Variants in XXYLT1 observed in about 807,000 individuals in gnomAD.
XXYLT1 encodes xyloside xylosyltransferase 1.
A neutral mutation model predicts 28.9 loss-of-function variants in XXYLT1; 20 were observed. The observed-to-expected ratio is 0.69, with a 90% CI of 0.49 to 1.00. The LOEUF (loss-of-function observed/expected upper bound fraction) is 1.00, where lower values mean the gene tolerates loss of function less well. Ranked by LOEUF, XXYLT1 falls within the 50% of genes least tolerant of loss-of-function variation. The probability of loss-of-function intolerance (pLI) is 0.00; values close to 1 mark genes in which losing one functional copy is unlikely to be tolerated. For missense variants in XXYLT1, 542 were observed against 560.1 expected, an observed-to-expected ratio of 0.97 and a Z score of 0.33; for synonymous variants, 257 against 253.8, an observed-to-expected ratio of 1.01 and a Z score of -0.12.
rs376617200 is a variant in XXYLT1, at chr3:195,156,471, G to C, written c.763C>G (p.Arg255Gly). The C allele has an allele frequency of 6.2e-7, 1 of 1,614,128 alleles. No homozygotes were observed. Among genetic ancestry groups the C allele is most frequent in the Non-Finnish European group, 8.5e-7 (1 of 1,180,030 alleles). Residue 255 changes from arginine to glycine, a missense_variant, in exon 3 of 4, where the codon CGG becomes GGG. Physicochemically the swap from Arg to Gly is moderately radical, Grantham distance 125. Coordinates refer to ENST00000310380, the MANE Select transcript of XXYLT1 (RefSeq NM_152531.5). ...CACCTGTAAACTGGCTGCATCTCCC[G>C]GGCTATGCCGATGATGGCGCCTGGC... ...FLPGAIIGIA[R>G]EMQPVYRHTF...
rs958665145 is a variant in XXYLT1, at chr3:195,173,362, CATT to C, written c.653-16784_653-16782del. On this transcript the variant is annotated intron_variant, in intron 2 of 3. Transcript: ENST00000310380. This position sits in a 1 kb window ranked among gnomAD's most constrained non-coding sequence, Gnocchi z 4.3. ...TCTCCTCCCCCAGCATCTGCCTGGC[CATT>C]ATGGCCTGGTTCTGCTCCTGGCCTC... Among the ~76,000 whole-genome samples, 2 of 152,190 alleles carry C rather than the reference CATT, an allele frequency of 1.3e-5. No homozygotes were observed. Among genetic ancestry groups the C allele is most frequent in the Non-Finnish European group, 2.9e-5 (2 of 68,042 alleles).
chr3:195,202,151 T>C (rs1722884842), intron 2 of XXYLT1, among the ~76,000 whole-genome samples: 1 of 152,084 alleles, frequency 6.6e-6, no homozygotes. Context: ...CACTCCTGCC[T>C]GGGCAACAGA....
rs1020378407 is a variant in XXYLT1, at chr3:195,069,020, A to G, written c.*695T>C. 7.2e-5 allele frequency: 11 copies of G among 152,214 alleles called. No homozygotes were observed. The highest frequency in any genetic ancestry group is 1.2e-4 in the Non-Finnish European group (8 of 68,060). The allele number at this position is 152,214 out of a possible 1,614,324, so 9.4% of individuals were successfully genotyped here. A position where few individuals can be genotyped will look rare whatever the true frequency, so the allele number is the denominator to read the frequency against. ...TGGAGCTGGTTTGGTGGAATAAAGGACAATGGGGTTCTAGGATGTAGCTGG... is the reference window on the plus strand; with the variant it reads ...TGGAGCTGGTTTGGTGGAATAAAGGGCAATGGGGTTCTAGGATGTAGCTGG... On this transcript the variant is annotated 3_prime_UTR_variant, in exon 4 of 4. Transcript: ENST00000310380.
Position 195,123,569 on chromosome 3 carries a change from G to A in XXYLT1, c.785+32880C>T, listed in dbSNP as rs111290355. ...GCAAGGCCTGCGTCTGAAGGAGCTC[G>A]TCAGCTGAATTATTAATGGGACTCT... On this transcript the variant is annotated intron_variant, in intron 3 of 3. Transcript: ENST00000310380. 5.7e-3 allele frequency among the ~76,000 whole-genome samples: 869 copies of A among 152,320 alleles called. 6 individuals carry two copies. Among genetic ancestry groups the A allele is most frequent in the African/African-American group, 0.019 (800 of 41,552 alleles).
intron 2 of XXYLT1, among the ~76,000 whole-genome samples, chr3:195,202,151 TG>T (rs1219959730): frequency 8.9e-4 from 136 of 152,202 alleles, no homozygotes; most frequent in Admixed American, 8.8e-3. Context: ...CACTCCTGCC[TG>T]GGCAACAGAG....
intron 1 of XXYLT1, chr3:195,260,131 G>C (rs1725630957): frequency 6.6e-6 from 1 of 151,808 alleles, no homozygotes; most frequent in African/African-American, 2.4e-5. Flanking sequence ...CACCCCGCGG[G>C]AGCCTCAGGC....
intron 3 of XXYLT1, among the ~76,000 whole-genome samples, chr3:195,075,974 C>A (rs1393719133): frequency 6.6e-6 from 1 of 152,118 alleles, no homozygotes; most frequent in Non-Finnish European, 1.5e-5. Flanking sequence ...CCACAGAGAC[C>A]CTGTGGGGAG....
intron 1 of XXYLT1, among the ~76,000 whole-genome samples, chr3:195,261,138 A>C (rs1468182519): frequency 6.6e-6 from 1 of 152,230 alleles, no homozygotes; most frequent in Non-Finnish European, 1.5e-5. Context: ...TATACATTCT[A>C]AAGGCCTGAA....
intron 3 of XXYLT1, chr3:195,086,091 G>A (rs1244419408): frequency 2.6e-5 from 4 of 152,496 alleles, no homozygotes; most frequent in Admixed American, 6.5e-5. Flanking sequence ...AAACAGACCT[G>A]GTTTCCAGCA....
At chr3:195,196,627 C>T (rs1470850313) in intron 2 of XXYLT1, among the ~76,000 whole-genome samples, 1 of 152,184 alleles carries the variant, frequency 6.6e-6, no homozygotes, top group East Asian at 1.9e-4. Context: ...AGAAAGGAGG[C>T]CTCTGCCTTC....
Position 195,143,859 on chromosome 3 carries a change from TATATAG to T in XXYLT1, c.785+12584_785+12589del, listed in dbSNP as rs1308747446. 3.8e-4 allele frequency among the ~76,000 whole-genome samples: 38 copies of T among 100,670 alleles called. 4 individuals carry two copies. The highest frequency in any genetic ancestry group is 1.1e-3 in the South Asian group (3 of 2,620). The allele number at this position is 100,670 out of a possible 152,430, so 66.0% of individuals were successfully genotyped here. On this transcript the variant is annotated intron_variant, in intron 3 of 3. Transcript: ENST00000310380. ...ATAGATATAGATATATATATAGATA[TATATAG>T]ATATAGATATATATATATATATATT...
chr3:195,190,951 A>C (rs1560143994), intron 2 of XXYLT1, among the ~76,000 whole-genome samples: 1 of 152,202 alleles, frequency 6.6e-6, no homozygotes, highest in Non-Finnish European at 1.5e-5. Context: ...TACTTATTTA[A>C]CACAAAAGAA....
intron 3 of XXYLT1, among the ~76,000 whole-genome samples, chr3:195,100,301 C>T (rs1716704915): frequency 1.3e-5 from 2 of 152,130 alleles, no homozygotes; most frequent in African/African-American, 2.4e-5. Context: ...GCATGGGGTC[C>T]TATCTGGGAA....
chr3:195,232,072 G>T (rs1724323560), intron 1 of XXYLT1, among the ~76,000 whole-genome samples: 1 of 152,038 alleles, frequency 6.6e-6, no homozygotes, highest in Non-Finnish European at 1.5e-5. Context: ...CTTGTTATTG[G>T]TCTGTTCAGA....
chr3:195,121,350 G>A (rs1265877892), intron 3 of XXYLT1, among the ~76,000 whole-genome samples: 1 of 152,206 alleles, frequency 6.6e-6, no homozygotes, highest in Non-Finnish European at 1.5e-5. Context: ...TGTACAGAAA[G>A]CCTTGGGTTG....
At chr3:195,267,966 A>G (rs1490978011) in intron 1 of XXYLT1, among the ~76,000 whole-genome samples, 1 of 152,232 alleles carries the variant, frequency 6.6e-6, no homozygotes, top group Non-Finnish European at 1.5e-5. Flanking sequence ...CATCACAAAC[A>G]GAAAAATTTA....
intron 1 of XXYLT1, among the ~76,000 whole-genome samples, chr3:195,241,054 CCTCTCCCA>C (rs1368899197): frequency 3.9e-5 from 6 of 152,192 alleles, no homozygotes; most frequent in South Asian, 2.1e-4. Context: ...TTGGAAATGG[CCTCTCCCA>C]CTCTCCCACT....
At chr3:195,151,555 T>G (rs1019045631) in intron 3 of XXYLT1, among the ~76,000 whole-genome samples, 2 of 151,868 alleles carry the variant, frequency 1.3e-5, no homozygotes, top group African/African-American at 4.8e-5. Flanking sequence ...TTAAAAAAAT[T>G]TAAATTTCAA....
intron 2 of XXYLT1, among the ~76,000 whole-genome samples, chr3:195,190,354 G>T (rs1328772383): frequency 6.6e-6 from 1 of 151,892 alleles, no homozygotes; most frequent in Non-Finnish European, 1.5e-5. Context: ...AGTTAACCAG[G>T]CTTGGTGGCG....
Sources: gnomAD v4.1 joint callset for allele counts (sites outside exome capture counted in the v4.1 genomes callset) on GRCh38, gnomAD v4.1.1 for gene constraint, Gnocchi (gnomAD v3.1) non-coding constraint, MANE v1.5 for transcripts, NCBI Gene and HGNC (gene_info 2026-07-23, HGNC 2026-07-21) for gene names.